The following WWOX variants were observed in gnomAD, a reference collection of about 807,000 sequenced individuals.
WWOX encodes WW domain-containing oxidoreductase.
A neutral mutation model predicts 46.2 loss-of-function variants in WWOX; 69 were observed. That is an observed-to-expected ratio of 1.49 (90% CI 1.23 to 1.82). WWOX has a LOEUF of 1.82. Ranked by LOEUF, WWOX falls within the 40% of genes most tolerant of loss-of-function variation. The pLI, the probability that WWOX is intolerant of heterozygous loss-of-function variation, is 0.00. For synonymous variants in WWOX, 359 were observed against 202.6 expected (o/e 1.77, Z -6.56); for missense variants, 919 against 542.6 (o/e 1.69, Z -6.89).
At chr16:78,551,992 G>C in intron 8 of WWOX, 1 of 152,310 alleles carries the variant, frequency 6.6e-6, no homozygotes, top group East Asian at 1.9e-4. Context: ...TGTGTTAACA[G>C]AACTGGCTCT....
At chr16:78,320,036 G>A (rs756168222) in intron 5 of WWOX, among the ~76,000 whole-genome samples, 14 of 152,180 alleles carry the variant, frequency 9.2e-5, no homozygotes, top group Non-Finnish European at 2.1e-4. Context: ...CATGCTGTAT[G>A]GATAATGGTA....
At chr16:78,881,829 G>A (rs7404742) in intron 8 of WWOX, among the ~76,000 whole-genome samples, 16,734 of 152,186 alleles carry the variant, frequency 0.11, 1,133 homozygotes, top group Non-Finnish European at 0.13. Context: ...TCTCGAATTA[G>A]AAGAACTGAC....
intron 8 of WWOX, chr16:78,691,182 G>A (rs2047978866): frequency 2.9e-6 from 2 of 699,720 alleles, no homozygotes; most frequent in African/African-American, 3.5e-5. Context: ...TGCGATAAGA[G>A]AATAGATGTA....
At chr16:79,144,838 A>C (rs1426833912) in intron 8 of WWOX, among the ~76,000 whole-genome samples, 1 of 152,198 alleles carries the variant, frequency 6.6e-6, no homozygotes, top group Non-Finnish European at 1.5e-5. Flanking sequence ...TGTAACTTTT[A>C]TTACAATTTA....
chr16:78,755,720 G>T (rs1024662449), intron 8 of WWOX, among the ~76,000 whole-genome samples: 4 of 152,106 alleles, frequency 2.6e-5, no homozygotes, highest in Non-Finnish European at 5.9e-5. Flanking sequence ...TGATAGTTCA[G>T]TACCCGCTAT....
chr16:79,193,063 C>T (rs779424907), intron 8 of WWOX, among the ~76,000 whole-genome samples: 2 of 152,230 alleles, frequency 1.3e-5, no homozygotes, highest in Non-Finnish European at 2.9e-5. Flanking sequence ...TGCCAATTCT[C>T]TACGATCTTT....
intron 4 of WWOX, among the ~76,000 whole-genome samples, chr16:78,152,738 G>C (rs1287150703): frequency 6.6e-6 from 1 of 152,218 alleles, no homozygotes; most frequent in Non-Finnish European, 1.5e-5. Context: ...CCTGGGGTCA[G>C]TCTTGCCTCT....
At chr16:79,150,855 A>T (rs1022310976) in intron 8 of WWOX, among the ~76,000 whole-genome samples, 1 of 152,144 alleles carries the variant, frequency 6.6e-6, no homozygotes, top group African/African-American at 2.4e-5. Flanking sequence ...TGCGTAGGCC[A>T]CTTGGAGTGA....
At chr16:78,349,832 C>T (rs922380290) in intron 5 of WWOX, among the ~76,000 whole-genome samples, 1 of 120,808 alleles carries the variant, frequency 8.3e-6, no homozygotes, top group Admixed American at 8.1e-5. Context: ...AATGACTCAA[C>T]TTTGAGCTAT....
intron 8 of WWOX, among the ~76,000 whole-genome samples, chr16:78,750,957 G>GT (rs1395165395): frequency 6.6e-6 from 1 of 152,146 alleles, no homozygotes; most frequent in African/African-American, 2.4e-5. Context: ...AAGAACGTGA[G>GT]TGCAGGTGTC....
At chr16:78,645,464 G>A (rs1002836760) in intron 8 of WWOX, among the ~76,000 whole-genome samples, 1 of 152,132 alleles carries the variant, frequency 6.6e-6, no homozygotes, top group African/African-American at 2.4e-5. Flanking sequence ...ACAAAGGAAG[G>A]AAATTTATTT....
intron 8 of WWOX, among the ~76,000 whole-genome samples, chr16:78,484,078 A>G (rs1597149105): frequency 6.6e-6 from 1 of 152,330 alleles, no homozygotes; most frequent in Non-Finnish European, 1.5e-5. Flanking sequence ...AACCCACTTT[A>G]TCAATTTTGA....
intron 8 of WWOX, among the ~76,000 whole-genome samples, chr16:78,751,204 T>C (rs2049467599): frequency 6.6e-6 from 1 of 152,016 alleles, no homozygotes; most frequent in Admixed American, 6.5e-5. Context: ...ATGTATTTAA[T>C]TTGTGTTTCG....
chr16:79,116,713 G>A (rs2150667626), intron 8 of WWOX, among the ~76,000 whole-genome samples: 1 of 151,956 alleles, frequency 6.6e-6, no homozygotes, highest in South Asian at 2.1e-4. Context: ...CCAAGAAGGT[G>A]GAATAAACTT....
At chr16:79,178,303 C>A (rs1468316212) in intron 8 of WWOX, among the ~76,000 whole-genome samples, 1 of 152,056 alleles carries the variant, frequency 6.6e-6, no homozygotes. Context: ...TTTGCTGATC[C>A]CTGTTTTATT....
chr16:78,928,768 A>T (rs191185508), intron 8 of WWOX, among the ~76,000 whole-genome samples: 81 of 152,288 alleles, frequency 5.3e-4, no homozygotes, highest in Non-Finnish European at 1.1e-3. Flanking sequence ...ATGTGTATAA[A>T]ACACAGTTTC....
At chr16:78,749,981 T>A (rs560924373) in intron 8 of WWOX, among the ~76,000 whole-genome samples, 2 of 152,250 alleles carry the variant, frequency 1.3e-5, no homozygotes, top group African/African-American at 4.8e-5. Context: ...GCAGAGTGAC[T>A]CTCAGCTCCC....
chr16:79,086,616 C>G (rs919327327), intron 8 of WWOX, among the ~76,000 whole-genome samples: 1 of 152,192 alleles, frequency 6.6e-6, no homozygotes, highest in Non-Finnish European at 1.5e-5. Flanking sequence ...TGCAGTGGCT[C>G]ATGCCTGTAA....
chr16:78,607,033 G>C (rs2045776473), intron 8 of WWOX, among the ~76,000 whole-genome samples: 1 of 152,102 alleles, frequency 6.6e-6, no homozygotes. Context: ...ACTGAATAGA[G>C]TTCCCCACTT....
Sources: allele counts gnomAD v4.1 joint callset (sites outside exome capture counted in the v4.1 genomes callset), GRCh38; gene constraint gnomAD v4.1.1; transcripts MANE v1.5; gene names NCBI Gene and HGNC (gene_info 2026-07-23, HGNC 2026-07-21).